PATL1: variants seen among roughly 807,000 people sequenced by gnomAD.
The protein encoded by PATL1 is protein PAT1 homolog 1.
In PATL1, 32 loss-of-function variants were observed where a neutral mutation model predicts 100.6. That is an observed-to-expected ratio of 0.32 (90% CI 0.24 to 0.43). PATL1 has a LOEUF of 0.43. Among genes scored for constraint, PATL1 ranks in the 20% least tolerant of loss-of-function variants. The pLI, the probability that PATL1 is intolerant of heterozygous loss-of-function variation, is 1.00. For synonymous variants in PATL1, 332 were observed against 330.0 expected, an observed-to-expected ratio of 1.01 and a Z score of -0.07; for missense variants, 747 against 949.9, an observed-to-expected ratio of 0.79 and a Z score of 2.81.
intron 2 of PATL1, among the ~76,000 whole-genome samples, chr11:59,660,151 C>CA (rs1554985083): frequency 1.1e-4 from 17 of 152,214 alleles, no homozygotes; most frequent in Non-Finnish European, 1.9e-4. Flanking sequence ...AGTTAAAACT[C>CA]ATAGCATTAG....
chr11:59,638,976 C>T, intron 18 of PATL1, 72 bp downstream of exon 18: 1 of 1,526,090 alleles, frequency 6.6e-7, no homozygotes, highest in African/African-American at 1.4e-5. Context: ...AGCCACCGTA[C>T]CCAGCCTCCC....
chr11:59,644,493 G>A (rs1861332783), intron 15 of PATL1, among the ~76,000 whole-genome samples: 1 of 151,952 alleles, frequency 6.6e-6, no homozygotes, highest in Non-Finnish European at 1.5e-5. Flanking sequence ...GCATTTGCCT[G>A]GTAAGGTTTT....
Position 59,638,165 on chromosome 11 carries a change from C to T in PATL1, c.*225G>A. On this transcript the variant is annotated 3_prime_UTR_variant, in exon 19 of 19. Transcript: ENST00000300146. ...AAGTAGGACATGCAGAACTGTAACA[C>T]AGAAGGTAAAGAAACCAGCAGAAGT... is the stretch of plus-strand genomic sequence containing the variant. 1.7e-6 allele frequency: 1 copy of T among 583,662 alleles called. No homozygotes were observed. Among genetic ancestry groups the T allele is most frequent in the South Asian group, 2.1e-5 (1 of 48,104 alleles). The allele number at this position is 583,662 out of a possible 1,614,324, so 36.2% of individuals were successfully genotyped here.
chr11:59,646,824 A>G (rs1174578435), intron 15 of PATL1, among the ~76,000 whole-genome samples: 1 of 152,202 alleles, frequency 6.6e-6, no homozygotes, highest in African/African-American at 2.4e-5. Flanking sequence ...GTGTGCTATG[A>G]CAAGGATAAG....
intron 2 of PATL1, among the ~76,000 whole-genome samples, chr11:59,662,180 T>C (rs1231436706): frequency 6.6e-6 from 1 of 152,178 alleles, no homozygotes; most frequent in Non-Finnish European, 1.5e-5. Context: ...CCTAGTTTGG[T>C]TGATTTATGT....
intron 16 of PATL1, 95 bp downstream of exon 16, chr11:59,642,785 T>C (rs780165729): frequency 7.4e-7 from 1 of 1,346,336 alleles, no homozygotes; most frequent in African/African-American, 1.5e-5. Flanking sequence ...GAAGCCTTTT[T>C]CCCAAGTTGC....
At chr11:59,655,092 A>G (rs1488935881) in intron 8 of PATL1, among the ~76,000 whole-genome samples, 1 of 152,160 alleles carries the variant, frequency 6.6e-6, no homozygotes, top group Non-Finnish European at 1.5e-5. Context: ...TATAATCACG[A>G]GCCAATTTCT....
At chr11:59,647,478 G>T (rs1009417161) in intron 15 of PATL1, among the ~76,000 whole-genome samples, 1 of 152,154 alleles carries the variant, frequency 6.6e-6, no homozygotes, top group Non-Finnish European at 1.5e-5. Flanking sequence ...AATTATCTAC[G>T]CAAGTAATTC....
chr11:59,637,974 C>T lies in PATL1; in HGVS notation c.*416G>A, dbSNP rs891214382. On this transcript the variant is annotated 3_prime_UTR_variant, in exon 19 of 19. Transcript: ENST00000300146. ...CTTGATTTCTACTTAATTGGCTCTTCTATAGTCATATTAATATGGGGCAAT... is the reference window on the plus strand; with the variant it reads ...CTTGATTTCTACTTAATTGGCTCTTTTATAGTCATATTAATATGGGGCAAT... 1 of 216,022 alleles carries T rather than the reference C, an allele frequency of 4.6e-6. No individual in the cohort carries two copies. The highest frequency in any genetic ancestry group is 2.3e-5 in the African/African-American group (1 of 44,356). The allele number at this position is 216,022 out of a possible 1,614,324, so 13.4% of individuals were successfully genotyped here.
chr11:59,658,302 T>C (rs761526432), intron 4 of PATL1, among the ~76,000 whole-genome samples: 2 of 151,978 alleles, frequency 1.3e-5, no homozygotes, highest in Admixed American at 6.6e-5. Context: ...TCTGTCCCTA[T>C]AGTTTTGCAT....
intron 15 of PATL1, among the ~76,000 whole-genome samples, chr11:59,646,015 T>C (rs530200092): frequency 6.6e-6 from 1 of 152,318 alleles, no homozygotes; most frequent in Non-Finnish European, 1.5e-5. Context: ...AAGCAGGCAT[T>C]TTTGCATTCT....
intron 9 of PATL1, among the ~76,000 whole-genome samples, 154 bp from the exon 10 acceptor site, chr11:59,653,172 A>G (rs1274295579): frequency 6.6e-6 from 1 of 152,058 alleles, no homozygotes; most frequent in Non-Finnish European, 1.5e-5. Flanking sequence ...GTCTTAATAG[A>G]ATTTAAGAGG....
chr11:59,662,663 A>G (rs1276226630), intron 2 of PATL1, among the ~76,000 whole-genome samples: 1 of 152,210 alleles, frequency 6.6e-6, no homozygotes, highest in Non-Finnish European at 1.5e-5. Context: ...GCAATGCCAC[A>G]AGAGTGGGAA....
Position 59,658,288 on chromosome 11 carries a change from C to A in PATL1, c.427-564G>T, listed in dbSNP as rs567764165. Among the ~76,000 whole-genome samples, 3 of 152,166 alleles carry A rather than the reference C, an allele frequency of 2.0e-5. No homozygotes were observed. In the East Asian group the frequency reaches 5.8e-4, roughly 29 times the overall value. ...TCCAACCACTAGTAAACACTGATGACCTCTCTGTCCCTATAGTTTTGCATA... is the reference window on the plus strand; with the variant it reads ...TCCAACCACTAGTAAACACTGATGAACTCTCTGTCCCTATAGTTTTGCATA... On this transcript the variant is annotated intron_variant, in intron 4 of 18. Transcript: ENST00000300146.
At chr11:59,651,464 C>G in intron 12 of PATL1, 80 bp downstream of exon 12, 2 of 1,116,794 alleles carry the variant, frequency 1.8e-6, no homozygotes, top group Non-Finnish European at 2.7e-6. Flanking sequence ...TCTACCATGC[C>G]TGATCTCATT....
intron 3 of PATL1, 28 bp downstream of exon 3, chr11:59,659,224 A>G: frequency 6.5e-7 from 1 of 1,539,946 alleles, no homozygotes; most frequent in Non-Finnish European, 8.8e-7. Context: ...AGTCTGCTAT[A>G]GTTCTCAAAT....
intron 8 of PATL1, 107 bp from the exon 9 acceptor site, chr11:59,654,179 T>C (rs569744585): frequency 2.1e-6 from 2 of 973,296 alleles, no homozygotes; most frequent in African/African-American, 1.6e-5. Flanking sequence ...CTTAAGGGAC[T>C]ACAAAAGTCT....
At chr11:59,641,836 C>T (rs1459135618) in intron 16 of PATL1, among the ~76,000 whole-genome samples, 1 of 152,050 alleles carries the variant, frequency 6.6e-6, no homozygotes, top group Non-Finnish European at 1.5e-5. Flanking sequence ...GACCAAATAA[C>T]AGAAAGGCAC....
chr11:59,668,498 G>A (rs548040151), intron 1 of PATL1, among the ~76,000 whole-genome samples: 20 of 152,098 alleles, frequency 1.3e-4, no homozygotes, highest in African/African-American at 4.6e-4. Context: ...CGGGTCCAGG[G>A]CGGGAAACGC....
Sources: allele counts gnomAD v4.1 joint callset (sites outside exome capture counted in the v4.1 genomes callset), GRCh38; gene constraint gnomAD v4.1.1; transcripts MANE v1.5; gene names NCBI Gene and HGNC (gene_info 2026-07-23, HGNC 2026-07-21).